EDIL3: variants seen among roughly 807,000 people sequenced by gnomAD.
EDIL3 encodes the protein EGF-like repeat and discoidin I-like domain-containing protein 3.
EDIL3 carries 37 observed loss-of-function variants against 67.4 expected under a neutral mutation model. The observed-to-expected ratio is 0.55, with a 90% confidence interval of 0.42 to 0.72. The LOEUF is 0.72. EDIL3 is among the 30% of genes least tolerant of loss of function. The probability of loss-of-function intolerance (pLI) is 0.00; values close to 1 mark genes in which losing one functional copy is unlikely to be tolerated. For missense variants in EDIL3, 527 were observed against 586.3 expected (o/e 0.90, Z 1.04); for synonymous variants, 195 against 196.3 (o/e 0.99, Z 0.05).
intron 1 of EDIL3, among the ~76,000 whole-genome samples, chr5:84,330,898 T>C (rs900825238): frequency 6.6e-6 from 1 of 152,194 alleles, no homozygotes; most frequent in Non-Finnish European, 1.5e-5. Flanking sequence ...CTGTTGTTTA[T>C]TCCCTTTTAT....
At chr5:83,981,873 A>G (rs765230106) in intron 9 of EDIL3, among the ~76,000 whole-genome samples, 3 of 152,090 alleles carry the variant, frequency 2.0e-5, no homozygotes, top group African/African-American at 7.2e-5. Context: ...AGCCGAATTC[A>G]TTTTGTATTA....
At chr5:84,214,885 A>AT (rs1454806979) in intron 3 of EDIL3, among the ~76,000 whole-genome samples, 1 of 151,958 alleles carries the variant, frequency 6.6e-6, no homozygotes, top group East Asian at 1.9e-4. Context: ...CACCTGGCCA[A>AT]TTTTTTGTGT....
At chr5:84,358,426 T>G (rs570996006) in intron 1 of EDIL3, among the ~76,000 whole-genome samples, 2 of 152,082 alleles carry the variant, frequency 1.3e-5, no homozygotes, top group Non-Finnish European at 1.5e-5. Flanking sequence ...CCACGATATA[T>G]TGAAGAACCT....
At chr5:84,175,778 T>A (rs1748891704) in intron 4 of EDIL3, among the ~76,000 whole-genome samples, 1 of 152,158 alleles carries the variant, frequency 6.6e-6, no homozygotes, top group Non-Finnish European at 1.5e-5. Context: ...GGTCATTCCT[T>A]AAGTCAGTAA....
intron 10 of EDIL3, among the ~76,000 whole-genome samples, chr5:83,952,375 T>A (rs1363700246): frequency 6.6e-6 from 1 of 151,818 alleles, no homozygotes; most frequent in African/African-American, 2.4e-5. Flanking sequence ...GATGATTGCC[T>A]ATAAAGATTT....
chr5:84,103,732 G>T (rs1747409398), intron 6 of EDIL3, among the ~76,000 whole-genome samples: 2 of 152,038 alleles, frequency 1.3e-5, no homozygotes, highest in Admixed American at 1.3e-4. Flanking sequence ...TGCTGGCAAG[G>T]TTGAGGAGAA....
chr5:84,103,858 CATAACTGGGT>C, intron 6 of EDIL3, among the ~76,000 whole-genome samples: 1 of 152,106 alleles, frequency 6.6e-6, no homozygotes, highest in East Asian at 1.9e-4. Flanking sequence ...CCAGCCACAG[CATAACTGGGT>C]ATATACCCAA....
rs111976380 is a variant in EDIL3 at position 84,195,686 on chromosome 5, C to T, written c.227-15165G>A. On this transcript the variant is annotated intron_variant, in intron 3 of 10. Coordinates refer to ENST00000296591, the MANE Select transcript of EDIL3 (RefSeq NM_005711.5). ...AGATTGGCAAGCAGCAAAGAATGACCGTGCTTTGGGCTTAGAAGGATAACC... is the reference window on the plus strand; with the variant it reads ...AGATTGGCAAGCAGCAAAGAATGACTGTGCTTTGGGCTTAGAAGGATAACC... Among the ~76,000 whole-genome samples, 722 of 152,020 alleles carry T rather than the reference C, an allele frequency of 4.7e-3. 5 individuals carry two copies. The highest frequency in any genetic ancestry group is 0.016 in the African/African-American group (679 of 41,508).
intron 10 of EDIL3, among the ~76,000 whole-genome samples, chr5:83,948,122 GTTGA>G (rs1744345750): frequency 6.6e-6 from 1 of 151,774 alleles, no homozygotes; most frequent in Non-Finnish European, 1.5e-5. Context: ...TTGGGTTATA[GTTGA>G]TTGATTTATG....
chr5:84,038,679 A>T (rs1746067046), intron 9 of EDIL3, among the ~76,000 whole-genome samples: 1 of 152,206 alleles, frequency 6.6e-6, no homozygotes, highest in African/African-American at 2.4e-5. Context: ...AGCGTTTTTC[A>T]CTGATAGTTA....
chr5:84,056,693 A>AT (rs200653671), intron 9 of EDIL3, among the ~76,000 whole-genome samples: 1 of 152,206 alleles, frequency 6.6e-6, no homozygotes, highest in South Asian at 2.1e-4. Context: ...TATAAAAGAC[A>AT]TTTTTTAAAA....
intron 2 of EDIL3, among the ~76,000 whole-genome samples, chr5:84,248,323 T>C (rs1254859344): frequency 6.6e-6 from 1 of 152,136 alleles, no homozygotes; most frequent in Non-Finnish European, 1.5e-5. Flanking sequence ...ACCCACTCCT[T>C]GAGACATTGT....
intron 3 of EDIL3, among the ~76,000 whole-genome samples, chr5:84,211,739 G>A (rs1479991675): frequency 4.6e-5 from 7 of 152,322 alleles, no homozygotes; most frequent in Admixed American, 2.6e-4. Flanking sequence ...GCATGGCCTG[G>A]ATTATGCCTT....
intron 1 of EDIL3, among the ~76,000 whole-genome samples, chr5:84,346,187 G>A (rs1747237023): frequency 7.1e-6 from 1 of 141,358 alleles, no homozygotes; most frequent in Non-Finnish European, 1.5e-5. Flanking sequence ...CCAGGCTGGA[G>A]TGCAGTGGTG....
chr5:84,156,225 T>C (rs1344352344), intron 4 of EDIL3, among the ~76,000 whole-genome samples: 1 of 152,126 alleles, frequency 6.6e-6, no homozygotes, highest in Non-Finnish European at 1.5e-5. Context: ...GAAGGAGGAA[T>C]AGGGAAGGGA....
At chr5:84,127,124 C>T (rs1823019) in intron 5 of EDIL3, among the ~76,000 whole-genome samples, 28 of 152,072 alleles carry the variant, frequency 1.8e-4, no homozygotes, top group African/African-American at 6.0e-4. Context: ...TTCGGGATTT[C>T]GTAGTTAGAT....
rs375981979 is a variant in EDIL3 at position 84,282,871 on chromosome 5, T to A, written c.68-28659A>T. On this transcript the variant is annotated intron_variant, in intron 1 of 10. Coordinates refer to ENST00000296591, the MANE Select transcript of EDIL3 (RefSeq NM_005711.5). ...GGAAGGTGAAATATGTAGTTAAGTA[T>A]ATAATATTAATATTCAGTAACTGTT... Among the ~76,000 whole-genome samples the A allele has an allele frequency of 8.5e-5, 13 of 152,332 alleles. No homozygotes were observed. In the South Asian group the frequency reaches 1.4e-3, roughly 17 times the overall value.
intron 9 of EDIL3, among the ~76,000 whole-genome samples, chr5:84,017,154 A>G (rs368108130): frequency 6.6e-6 from 1 of 152,188 alleles, no homozygotes; most frequent in Non-Finnish European, 1.5e-5. Context: ...TCTCACTCTC[A>G]TATTTCCCCC....
rs189466208 is a variant in EDIL3 at position 83,942,548 on chromosome 5, A to G, written c.*871T>C. The G allele has an allele frequency of 2.6e-5, 4 of 152,188 alleles. No homozygotes were observed. In the East Asian group the frequency reaches 7.7e-4, roughly 29 times the overall value. The allele number at this position is 152,188 out of a possible 1,614,324, so 9.4% of individuals were successfully genotyped here. On this transcript the variant is annotated 3_prime_UTR_variant, in exon 11 of 11. Transcript: ENST00000296591. ...TGAAGATTTAAATTTAAAGAGACAT[A>G]TATATTTTTTGTTCTTTTGTGCAAA...
Sources: allele counts gnomAD v4.1 joint callset (sites outside exome capture counted in the v4.1 genomes callset), GRCh38; gene constraint gnomAD v4.1.1; transcripts MANE v1.5; gene names NCBI Gene and HGNC (gene_info 2026-07-23, HGNC 2026-07-21).